NELL1: variants seen among roughly 807,000 people sequenced by gnomAD.
NELL1 encodes protein kinase C-binding protein NELL1.
A neutral mutation model predicts 107.4 loss-of-function variants in NELL1; 76 were observed. The observed-to-expected ratio is 0.71, with a 90% confidence interval of 0.59 to 0.86. The LOEUF (loss-of-function observed/expected upper bound fraction) is 0.86. Among genes scored for constraint, NELL1 ranks in the 40% least tolerant of loss-of-function variants. The pLI, the probability that NELL1 is intolerant of heterozygous loss-of-function variation, is 0.00. For missense variants in NELL1, 1,024 were observed against 1,005.5 expected (o/e 1.02, Z -0.25); for synonymous variants, 353 against 341.2 (o/e 1.03, Z -0.38).
intron 12 of NELL1, among the ~76,000 whole-genome samples, chr11:20,961,974 A>G (rs1038919338): frequency 1.1e-4 from 16 of 151,894 alleles, no homozygotes; most frequent in Non-Finnish European, 1.9e-4. Flanking sequence ...TGTTTTTTTC[A>G]TTTCTTCTGG....
chr11:21,310,190 T>C (rs1279773989), intron 14 of NELL1, among the ~76,000 whole-genome samples: 1 of 152,100 alleles, frequency 6.6e-6, no homozygotes, highest in East Asian at 1.9e-4. Flanking sequence ...GTAGAACTAG[T>C]ATGTGGCAGA....
At chr11:20,853,966 T>C (rs1166268402) in intron 4 of NELL1, among the ~76,000 whole-genome samples, 3 of 152,168 alleles carry the variant, frequency 2.0e-5, no homozygotes, top group Non-Finnish European at 4.4e-5. Flanking sequence ...TTTGAGAAAG[T>C]GACATGCCCA....
chr11:21,002,645 G>C (rs750991810), intron 12 of NELL1, among the ~76,000 whole-genome samples: 1 of 152,084 alleles, frequency 6.6e-6, no homozygotes, highest in Non-Finnish European at 1.5e-5. Flanking sequence ...CAAAAAATAT[G>C]GCAGAAAGAG....
intron 4 of NELL1, among the ~76,000 whole-genome samples, chr11:20,873,999 G>A (rs748668262): frequency 9.9e-5 from 15 of 151,704 alleles, no homozygotes; most frequent in Non-Finnish European, 4.4e-5. Context: ...TCCTGGGTTC[G>A]AGCAATCCTC....
chr11:21,219,489 C>T (rs1276088249), intron 13 of NELL1, among the ~76,000 whole-genome samples: 3 of 152,090 alleles, frequency 2.0e-5, no homozygotes, highest in Non-Finnish European at 4.4e-5. Flanking sequence ...TAATATAATT[C>T]CACTCACCTA....
At chr11:21,106,802 T>C (rs7110200) in intron 12 of NELL1, among the ~76,000 whole-genome samples, 2,912 of 152,272 alleles carry the variant, frequency 0.019, 105 homozygotes, top group African/African-American at 0.067. Flanking sequence ...GGGAGGACGC[T>C]ATAATTATAG....
intron 14 of NELL1, among the ~76,000 whole-genome samples, chr11:21,250,578 C>T (rs1262859377): frequency 9.9e-5 from 15 of 152,148 alleles, no homozygotes; most frequent in Admixed American, 9.8e-4. Flanking sequence ...CATATTTTGT[C>T]TTTGGCTGAT....
chr11:21,182,121 C>T (rs947254441), intron 13 of NELL1, among the ~76,000 whole-genome samples: 2 of 151,806 alleles, frequency 1.3e-5, no homozygotes, highest in African/African-American at 2.4e-5. Flanking sequence ...AGACGCCAGC[C>T]AGAGCCTGTG....
chr11:20,889,693 A>G (rs1849578164), intron 5 of NELL1, among the ~76,000 whole-genome samples: 1 of 152,224 alleles, frequency 6.6e-6, no homozygotes, highest in Admixed American at 6.5e-5. Flanking sequence ...CTGTCATCAA[A>G]ATTGACTAGA....
At position 20,735,324 on chromosome 11, in the gene NELL1, T is replaced by C. The variant is rs929514875; in HGVS notation, c.185-48356T>C. ...TAATTTATAAAGGAAAGAGGTTTAA[T>C]TGACTCACGTTTTTGCATGGCTGGG... On this transcript the variant is annotated intron_variant, in intron 2 of 19. Coordinates refer to ENST00000357134, the MANE Select transcript of NELL1 (RefSeq NM_006157.5). Among the ~76,000 whole-genome samples the C allele has an allele frequency of 1.5e-4, 23 of 152,154 alleles. 1 individual carries two copies. The Middle Eastern group carries it at 9.5e-3, about 63-fold the overall frequency.
chr11:21,133,358 C>G (rs780845441), intron 13 of NELL1, among the ~76,000 whole-genome samples: 2 of 152,148 alleles, frequency 1.3e-5, no homozygotes, highest in African/African-American at 4.8e-5. Context: ...GACAGCCCAG[C>G]CCCCAGGCTT....
At chr11:21,126,138 A>G (rs141703819) in intron 13 of NELL1, among the ~76,000 whole-genome samples, 3 of 152,280 alleles carry the variant, frequency 2.0e-5, no homozygotes, top group African/African-American at 4.8e-5. Context: ...GAGATAGGAA[A>G]GTCGACATTG....
intron 12 of NELL1, among the ~76,000 whole-genome samples, chr11:20,978,477 T>A (rs1687682588): frequency 1.3e-5 from 2 of 151,956 alleles, no homozygotes; most frequent in South Asian, 4.2e-4. Context: ...AATATCAGAG[T>A]CTAAATGAGG....
At chr11:21,101,245 A>G (rs1302081226) in intron 12 of NELL1, among the ~76,000 whole-genome samples, 1 of 152,122 alleles carries the variant, frequency 6.6e-6, no homozygotes, top group Non-Finnish European at 1.5e-5. Flanking sequence ...TCATTGTTGG[A>G]CATAAGGGTT....
rs150651753 is a variant in NELL1 at position 21,402,886 on chromosome 11, T to C, written c.1645+31938T>C. On this transcript the variant is annotated intron_variant, in intron 15 of 19. Transcript: ENST00000357134. ...AAAGTAGCCCTGAAACAGAGCTGAA[T>C]ATTGCCATTCTCTTTTAATTGGGTA... Among the ~76,000 whole-genome samples the C allele has an allele frequency of 5.1e-4, 78 of 151,820 alleles. No homozygotes were observed. The East Asian group carries it at 0.01, about 20-fold the overall frequency.
intron 5 of NELL1, among the ~76,000 whole-genome samples, chr11:20,911,358 G>A (rs1850127496): frequency 6.6e-6 from 1 of 152,214 alleles, no homozygotes; most frequent in Non-Finnish European, 1.5e-5. Flanking sequence ...TACTAAGTTA[G>A]TGATTTTTAT....
At chr11:21,055,166 A>C (rs1853583579) in intron 12 of NELL1, among the ~76,000 whole-genome samples, 2 of 152,048 alleles carry the variant, frequency 1.3e-5, no homozygotes, top group African/African-American at 4.8e-5. Flanking sequence ...GTCTTTTATT[A>C]TATGGAAAAA....
chr11:21,214,107 T>C (rs1857562660), intron 13 of NELL1, among the ~76,000 whole-genome samples: 1 of 152,156 alleles, frequency 6.6e-6, no homozygotes, highest in African/African-American at 2.4e-5. Context: ...GTATCTTTTA[T>C]CTGAAATTTC....
At chr11:21,370,118 A>T (rs918443730) in intron 14 of NELL1, among the ~76,000 whole-genome samples, 16 of 152,038 alleles carry the variant, frequency 1.1e-4, no homozygotes, top group African/African-American at 2.9e-4. Context: ...ATGCTATGCA[A>T]GTATGTACTA....
Sources: gnomAD v4.1 joint callset for allele counts (sites outside exome capture counted in the v4.1 genomes callset) on GRCh38, gnomAD v4.1.1 for gene constraint, MANE v1.5 for transcripts, NCBI Gene and HGNC (gene_info 2026-07-23, HGNC 2026-07-21) for gene names.